RANBP9: variants seen among roughly 807,000 people sequenced by gnomAD.
RANBP9 encodes RAN binding protein 9, also known as ran-binding protein 9.
Under a neutral mutation model 84.3 loss-of-function variants are expected in RANBP9, and 15 were observed. The ratio of observed to expected loss-of-function variants is 0.18; its 90% confidence interval spans 0.12 to 0.27. The LOEUF (loss-of-function observed/expected upper bound fraction) is 0.27. Ranked by LOEUF, RANBP9 falls within the 10% of genes least tolerant of loss-of-function variation. RANBP9 has a pLI of 1.00. For synonymous variants in RANBP9, 392 were observed against 349.6 expected (o/e 1.12, Z -1.35); for missense variants, 809 against 912.8 (o/e 0.89, Z 1.46).
At chr6:13,693,072 A>G (rs1554226991) in intron 2 of RANBP9, among the ~76,000 whole-genome samples, 1 of 152,214 alleles carries the variant, frequency 6.6e-6, no homozygotes, top group Non-Finnish European at 1.5e-5. Flanking sequence ...TCTGGCCAAA[A>G]TGTAAAGGAG....
chr6:13,695,148 C>G (rs530993525), intron 2 of RANBP9, among the ~76,000 whole-genome samples: 28 of 152,112 alleles, frequency 1.8e-4, no homozygotes, highest in Non-Finnish European at 3.7e-4. Context: ...ACATTTTATC[C>G]TTGAAGCAAC....
At chr6:13,631,489 T>C (rs1384463538) in intron 12 of RANBP9, among the ~76,000 whole-genome samples, 1 of 152,200 alleles carries the variant, frequency 6.6e-6, no homozygotes, top group Non-Finnish European at 1.5e-5. Context: ...CACTCTTAAG[T>C]ATCAGATTTT....
chr6:13,640,013 A>G (rs1258292090), intron 8 of RANBP9, among the ~76,000 whole-genome samples: 3 of 152,214 alleles, frequency 2.0e-5, no homozygotes, highest in Non-Finnish European at 2.9e-5. Flanking sequence ...AAATTTACCT[A>G]TAAGAAGATA....
At chr6:13,653,367 A>G (rs1197351741) in intron 4 of RANBP9, among the ~76,000 whole-genome samples, 1 of 152,172 alleles carries the variant, frequency 6.6e-6, no homozygotes, top group Non-Finnish European at 1.5e-5. Context: ...CTGTCAACTC[A>G]ACGTGACAAT....
At chr6:13,685,066 T>C (rs1562317764) in intron 2 of RANBP9, among the ~76,000 whole-genome samples, 1 of 152,182 alleles carries the variant, frequency 6.6e-6, no homozygotes, top group Non-Finnish European at 1.5e-5. Flanking sequence ...AAACATAAAT[T>C]GCAATAATTT....
chr6:13,710,147 G>A (rs1348952566), intron 1 of RANBP9, among the ~76,000 whole-genome samples: 4 of 152,178 alleles, frequency 2.6e-5, no homozygotes, highest in East Asian at 1.9e-4. Context: ...AAAGGGGCAA[G>A]CACAAGCCTA....
chr6:13,647,560 C>T (rs547886605), intron 5 of RANBP9, among the ~76,000 whole-genome samples: 1 of 152,140 alleles, frequency 6.6e-6, no homozygotes, highest in East Asian at 1.9e-4. Flanking sequence ...CTATCTTTCA[C>T]ATAAACATTC....
chr6:13,638,579 C>T (rs1374889399), intron 9 of RANBP9, among the ~76,000 whole-genome samples: 2 of 151,884 alleles, frequency 1.3e-5, no homozygotes, highest in African/African-American at 2.4e-5. Flanking sequence ...ACCTGTAAGC[C>T]CAGCACTTTG....
chr6:13,629,557 G>C (rs1764716966), intron 12 of RANBP9, among the ~76,000 whole-genome samples: 1 of 152,120 alleles, frequency 6.6e-6, no homozygotes, highest in African/African-American at 2.4e-5. Flanking sequence ...TTAGAATCTG[G>C]AGCAGTTTCT....
At chr6:13,702,164 T>A (rs1757990401) in intron 1 of RANBP9, among the ~76,000 whole-genome samples, 2 of 152,196 alleles carry the variant, frequency 1.3e-5, no homozygotes, top group Admixed American at 1.3e-4. Context: ...ATAACAAGGC[T>A]GGGCGCAGTG....
At chr6:13,680,738 T>G (rs1766015098) in intron 2 of RANBP9, among the ~76,000 whole-genome samples, 1 of 146,738 alleles carries the variant, frequency 6.8e-6, no homozygotes, top group Non-Finnish European at 1.5e-5. Flanking sequence ...CCTGGGCAAC[T>G]AAGTGAGAGT....
At chr6:13,642,640 G>T in intron 6 of RANBP9, 49 bp from the exon 7 acceptor site, 2 of 1,231,174 alleles carry the variant, frequency 1.6e-6, no homozygotes, top group South Asian at 1.3e-5. Context: ...GAGAATACAT[G>T]CTTCATACTA....
chr6:13,686,795 C>T (rs933793403), intron 2 of RANBP9, among the ~76,000 whole-genome samples: 1 of 152,152 alleles, frequency 6.6e-6, no homozygotes, highest in Non-Finnish European at 1.5e-5. Flanking sequence ...AGTCCACTGG[C>T]ACATTATCTC....
chr6:13,676,823 T>C (rs1461128228), intron 2 of RANBP9, among the ~76,000 whole-genome samples: 2 of 152,046 alleles, frequency 1.3e-5, no homozygotes, highest in Non-Finnish European at 2.9e-5. Context: ...CCATTCTTGA[T>C]AAAAACTCTC....
chr6:13,629,187 T>G (rs1764707437), intron 12 of RANBP9, among the ~76,000 whole-genome samples: 3 of 152,200 alleles, frequency 2.0e-5, no homozygotes, highest in Non-Finnish European at 4.4e-5. Flanking sequence ...CACAGCTCAC[T>G]GCAGCCTCGA....
At chr6:13,680,872 A>T (rs1488623721) in intron 2 of RANBP9, among the ~76,000 whole-genome samples, 3 of 152,218 alleles carry the variant, frequency 2.0e-5, no homozygotes, top group Non-Finnish European at 2.9e-5. Flanking sequence ...AAAAGGACTT[A>T]AAAGAATATT....
At position 13,658,949 on chromosome 6, in the gene RANBP9, A is replaced by G. The variant is rs959493802; in HGVS notation, c.684-117T>C. The G allele has an allele frequency of 4.4e-6, 4 of 913,472 alleles. No homozygotes were observed. The African/African-American group carries it at 5.0e-5, about 11-fold the overall frequency. 56.6% of individuals were successfully genotyped at this position (913,472 alleles called of 1,614,324 possible). A position where few individuals can be genotyped will look rare whatever the true frequency, so the allele number is the denominator to read the frequency against. ...AAGCCCAAGTTGGAACTCCTAAGGTAGCAACAAAAATTTTATTACAATTTA... is the reference window on the plus strand; with the variant it reads ...AAGCCCAAGTTGGAACTCCTAAGGTGGCAACAAAAATTTTATTACAATTTA... On this transcript the variant is annotated intron_variant, in intron 2 of 13. Transcript: ENST00000011619.
rs927836708 is a variant in RANBP9 at position 13,711,735 on chromosome 6, G to T, written c.-230C>A. ...AGAGAACGTTGGCCGGAGCGCGGGCGCGCGGCCCGGGGACGAGGCGCCGAG... is the reference window on the plus strand; with the variant it reads ...AGAGAACGTTGGCCGGAGCGCGGGCTCGCGGCCCGGGGACGAGGCGCCGAG... On this transcript the variant is annotated 5_prime_UTR_variant, in exon 1 of 14. Transcript: ENST00000011619. Among the ~76,000 whole-genome samples the T allele has an allele frequency of 6.7e-6, 1 of 148,262 alleles. No homozygotes were observed. Among genetic ancestry groups the T allele is most frequent in the Non-Finnish European group, 1.5e-5 (1 of 66,690 alleles).
chr6:13,695,425 T>C (rs1296278348), intron 2 of RANBP9, among the ~76,000 whole-genome samples: 4 of 146,584 alleles, frequency 2.7e-5, no homozygotes, highest in East Asian at 3.9e-4. Context: ...TTTTTTTTTT[T>C]CAGAAAAAGA....
Sources: gnomAD v4.1 joint callset for allele counts (sites outside exome capture counted in the v4.1 genomes callset) on GRCh38, gnomAD v4.1.1 for gene constraint, MANE v1.5 for transcripts, NCBI Gene and HGNC (gene_info 2026-07-23, HGNC 2026-07-21) for gene names.